Variants in BEND7 observed in about 807,000 individuals in gnomAD.
BEND7 encodes BEN domain-containing protein 7.
Under a neutral mutation model 50.9 loss-of-function variants are expected in BEND7, and 28 were observed. The ratio of observed to expected loss-of-function variants is 0.55; its 90% CI spans 0.41 to 0.75. The LOEUF (loss-of-function observed/expected upper bound fraction) is 0.75, where lower values mean the gene tolerates loss of function less well. Among genes scored for constraint, BEND7 ranks in the 30% least tolerant of loss-of-function variants. The pLI is 0.00. For missense variants in BEND7, 477 were observed against 491.3 expected (o/e 0.97, Z 0.28); for synonymous variants, 170 against 183.9 (o/e 0.92, Z 0.61).
intron 6 of BEND7, among the ~76,000 whole-genome samples, chr10:13,478,057 C>A (rs1008770985): frequency 6.6e-6 from 1 of 152,092 alleles, no homozygotes; most frequent in Admixed American, 6.6e-5. Flanking sequence ...AGCATATATA[C>A]CCTCTTTATA....
chr10:13,496,980 T>C, intron 3 of BEND7, 92 bp from the exon 4 acceptor site: 1 of 1,413,614 alleles, frequency 7.1e-7, no homozygotes, highest in Non-Finnish European at 9.2e-7. Context: ...GAAAGTATCT[T>C]GGCAGGATTT....
rs1026811192 is a variant in BEND7, at chr10:13,496,634, A to G, written c.571+132T>C. ...ATTGTAGAGAAAGCTGAAAAAACAG[A>G]TACTTGAAAAGGCACAGCAAGACAG... On this transcript the variant is annotated intron_variant, in intron 4 of 8. Transcript: ENST00000466271. The G allele has an allele frequency of 3.0e-5, 33 of 1,095,900 alleles. No individual in the cohort carries two copies. In the African/African-American group the frequency reaches 5.3e-4, roughly 18 times the overall value. 67.9% of individuals were successfully genotyped at this position (1,095,900 alleles called of 1,614,324 possible).
At chr10:13,439,107 T>C (rs1835043365), downstream of BEND7, 9 of 1,418,390 alleles carry the variant, frequency 6.3e-6, no homozygotes, top group Non-Finnish European at 8.6e-6. Flanking sequence ...CAGCCTGACA[T>C]CACAAGGCTC....
intron 2 of BEND7, among the ~76,000 whole-genome samples, chr10:13,507,929 AG>A (rs1290862942): frequency 6.6e-6 from 1 of 152,254 alleles, no homozygotes; most frequent in African/African-American, 2.4e-5. Context: ...TAAGATGACC[AG>A]GATTATACTA....
chr10:13,465,786 T>C (rs1459292600), intron 6 of BEND7, among the ~76,000 whole-genome samples: 1 of 152,134 alleles, frequency 6.6e-6, no homozygotes, highest in East Asian at 1.9e-4. Context: ...AGTGCTCCCT[T>C]TGTTATCCCC....
chr10:13,506,590 C>G (rs920648658), intron 2 of BEND7, among the ~76,000 whole-genome samples: 30 of 152,162 alleles, frequency 2.0e-4, no homozygotes, highest in Admixed American at 3.3e-4. Context: ...ATTCAGGTCT[C>G]TTTTCATATA....
intron 6 of BEND7, among the ~76,000 whole-genome samples, chr10:13,462,222 T>A (rs1840353609): frequency 1.3e-5 from 2 of 152,126 alleles, no homozygotes; most frequent in African/African-American, 4.8e-5. Context: ...TACCCGAGAC[T>A]GGGTAATTTA....
chr10:13,466,305 T>C (rs1270977491), intron 6 of BEND7, among the ~76,000 whole-genome samples: 1 of 152,034 alleles, frequency 6.6e-6, no homozygotes, highest in Non-Finnish European at 1.5e-5. Context: ...TTCATGCCTG[T>C]AATCCCAGCA....
intron 6 of BEND7, among the ~76,000 whole-genome samples, chr10:13,474,726 C>T (rs989537337): frequency 3.3e-5 from 5 of 152,136 alleles, no homozygotes; most frequent in Admixed American, 3.3e-4. Context: ...CAGTGTTGGA[C>T]TCGGGTCGAT....
intron 5 of BEND7, among the ~76,000 whole-genome samples, chr10:13,486,799 T>G (rs2076255334): frequency 6.6e-6 from 1 of 152,228 alleles, no homozygotes; most frequent in South Asian, 2.1e-4. Flanking sequence ...AGAGATGCTT[T>G]TAGCTTTTTC....
intron 5 of BEND7, among the ~76,000 whole-genome samples, chr10:13,485,078 T>C (rs575665417): frequency 1.3e-5 from 2 of 152,252 alleles, no homozygotes; most frequent in African/African-American, 4.8e-5. Context: ...ACTAGGTAAA[T>C]GAAGATGCGC....
At chr10:13,453,963 C>T (rs1305684402) in intron 6 of BEND7, among the ~76,000 whole-genome samples, 4 of 152,200 alleles carry the variant, frequency 2.6e-5, no homozygotes, top group Non-Finnish European at 5.9e-5. Flanking sequence ...GTGATCTCTA[C>T]TGTCAAACAC....
intron 5 of BEND7, among the ~76,000 whole-genome samples, chr10:13,483,303 G>A (rs181951685): frequency 1.8e-4 from 27 of 152,240 alleles, no homozygotes; most frequent in African/African-American, 5.8e-4. Context: ...GCTACCAGGC[G>A]GAACTGGCCA....
At chr10:13,438,623 T>G (rs546683143), downstream of BEND7, 2 of 154,004 alleles carry the variant, frequency 1.3e-5, no homozygotes, top group Admixed American at 1.3e-4. Flanking sequence ...AGTTGATCTG[T>G]GTAAATTCAA....
chr10:13,463,685 T>C (rs943674700), intron 6 of BEND7, among the ~76,000 whole-genome samples: 2 of 152,206 alleles, frequency 1.3e-5, no homozygotes, highest in Non-Finnish European at 2.9e-5. Flanking sequence ...AGGGAGGATC[T>C]TTTAAAATGG....
At chr10:13,523,967 C>T (rs1350389682) in intron 2 of BEND7, among the ~76,000 whole-genome samples, 1 of 152,192 alleles carries the variant, frequency 6.6e-6, no homozygotes, top group Non-Finnish European at 1.5e-5. Flanking sequence ...TGTTGAAGGC[C>T]TTCTGGAGCA....
At chr10:13,500,143 C>A in intron 2 of BEND7, 63 bp from the exon 3 acceptor site, 2 of 1,292,562 alleles carry the variant, frequency 1.5e-6, no homozygotes, top group Non-Finnish European at 2.1e-6. Flanking sequence ...GTTCACTAAC[C>A]AAAAAGAAGA....
chr10:13,519,120 C>T (rs757777376), intron 2 of BEND7, among the ~76,000 whole-genome samples: 19 of 152,338 alleles, frequency 1.2e-4, no homozygotes, highest in Non-Finnish European at 2.2e-4. Flanking sequence ...TTAGGCATCA[C>T]ATGGTAAGTG....
chr10:13,513,161 G>A (rs2078407370), intron 2 of BEND7, among the ~76,000 whole-genome samples: 1 of 152,046 alleles, frequency 6.6e-6, no homozygotes, highest in Non-Finnish European at 1.5e-5. Context: ...CTGTTGTAGT[G>A]TCGGTGACAA....
Sources: allele counts gnomAD v4.1 joint callset (sites outside exome capture counted in the v4.1 genomes callset), GRCh38; gene constraint gnomAD v4.1.1; transcripts MANE v1.5; gene names NCBI Gene and HGNC (gene_info 2026-07-23, HGNC 2026-07-21).